Variants in FAR2 observed in about 807,000 individuals in gnomAD.
The protein encoded by FAR2 is epididymis secretory protein Li 81.
Under a neutral mutation model 56.0 loss-of-function variants are expected in FAR2, and 19 were observed. That is an observed-to-expected ratio of 0.34 (90% CI 0.24 to 0.50). The LOEUF (loss-of-function observed/expected upper bound fraction) is 0.50, where lower values mean the gene tolerates loss of function less well. FAR2 is among the 20% of genes least tolerant of loss of function. FAR2 has a pLI of 0.98. For synonymous variants in FAR2, 219 were observed against 218.8 expected, an observed-to-expected ratio of 1.00 and a Z score of -0.01; for missense variants, 508 against 642.2, an observed-to-expected ratio of 0.79 and a Z score of 2.26.
At chr12:29,308,705 C>CATATATATATATAT (rs1489134888) in intron 5 of FAR2, among the ~76,000 whole-genome samples, 83 of 132,574 alleles carry the variant, frequency 6.3e-4, no homozygotes, top group African/African-American at 2.7e-3. Flanking sequence ...CACACACACA[C>CATATATATATATAT]ACACACACAC....
Position 29,270,416 on chromosome 12 carries a change from C to T in FAR2, c.-34C>T, listed in dbSNP as rs746517713. The T allele has an allele frequency of 2.7e-6, 4 of 1,481,066 alleles. No individual in the cohort carries two copies. In the East Asian group the frequency reaches 7.1e-5, roughly 26 times the overall value. The allele number at this position is 1,481,066 out of a possible 1,614,324, so 91.7% of individuals were successfully genotyped here. On this transcript the variant is annotated 5_prime_UTR_variant, in exon 2 of 12. Transcript: ENST00000536681. ...GTTATTTCTCTTCCTTTTCAGGAAC[C>T]TCTTTCAGGAGCTATAAAAGAAAGG...
At chr12:29,263,189 A>C in intron 1 of FAR2, among the ~76,000 whole-genome samples, 1 of 152,208 alleles carries the variant, frequency 6.6e-6, no homozygotes, top group East Asian at 1.9e-4. Context: ...ATAGCCCTCA[A>C]TACAATAATA....
intron 1 of FAR2, among the ~76,000 whole-genome samples, chr12:29,161,417 C>T (rs1363135976): frequency 1.3e-5 from 2 of 152,044 alleles, no homozygotes; most frequent in Non-Finnish European, 2.9e-5. Context: ...CTTTTTTTTA[C>T]ATCTGGCTTA....
intron 1 of FAR2, among the ~76,000 whole-genome samples, chr12:29,159,513 C>T (rs1362280213): frequency 5.1e-5 from 5 of 97,426 alleles, no homozygotes; most frequent in Non-Finnish European, 1.0e-4. Context: ...GTGTGAGACT[C>T]TGTCTCGGAA....
chr12:29,259,253 G>A (rs1014895612), intron 1 of FAR2, among the ~76,000 whole-genome samples: 24 of 152,078 alleles, frequency 1.6e-4, no homozygotes, highest in Admixed American at 9.8e-4. Flanking sequence ...GTAATTTTTC[G>A]CATCTAATGA....
At chr12:29,164,299 C>T (rs1305705415) in intron 1 of FAR2, among the ~76,000 whole-genome samples, 1 of 152,178 alleles carries the variant, frequency 6.6e-6, no homozygotes, top group African/African-American at 2.4e-5. Context: ...AGGAATACAG[C>T]TGGGTTTACT....
At chr12:29,207,188 G>A (rs1947486161) in intron 1 of FAR2, among the ~76,000 whole-genome samples, 2 of 152,104 alleles carry the variant, frequency 1.3e-5, no homozygotes, top group African/African-American at 4.8e-5. Context: ...TAGCCACAAC[G>A]CCTGACTTTT....
rs1181674113 is a variant in FAR2, at chr12:29,316,722, C to A, written c.956-119C>A. 3 of 1,004,242 alleles carry A rather than the reference C, an allele frequency of 3.0e-6. No individual in the cohort carries two copies. The East Asian group carries it at 7.3e-5, about 24-fold the overall frequency. 62.2% of individuals were successfully genotyped at this position (1,004,242 alleles called of 1,614,324 possible). A position where few individuals can be genotyped will look rare whatever the true frequency, so the allele number is the denominator to read the frequency against. On this transcript the variant is annotated intron_variant, in intron 8 of 11. Coordinates refer to ENST00000536681, the MANE Select transcript of FAR2 (RefSeq NM_001271783.2). The stretch of plus-strand genomic sequence containing the variant: ...TTTATATTGTTCTCAGAAATTGATT[C>A]TTGACTCTACACAGCAAATCCTTCG...
intron 1 of FAR2, among the ~76,000 whole-genome samples, chr12:29,269,331 C>T (rs1948574824): frequency 6.6e-6 from 1 of 152,198 alleles, no homozygotes; most frequent in African/African-American, 2.4e-5. Flanking sequence ...AAATATGGCT[C>T]TGTTCCTCCC....
intron 2 of FAR2, among the ~76,000 whole-genome samples, chr12:29,276,943 CAA>C (rs35637703): frequency 7.0e-6 from 1 of 142,654 alleles, no homozygotes; most frequent in African/African-American, 2.6e-5. Context: ...AACTCTGTCT[CAA>C]AAAAAAAAAT....
chr12:29,322,246 G>T (rs941210465), intron 10 of FAR2, among the ~76,000 whole-genome samples: 2 of 152,124 alleles, frequency 1.3e-5, no homozygotes, highest in African/African-American at 4.8e-5. Context: ...CCTCTGGGTG[G>T]CTGTGTTCTT....
chr12:29,174,682 AGTGCT>A (rs766964144), intron 1 of FAR2, among the ~76,000 whole-genome samples: 2 of 152,106 alleles, frequency 1.3e-5, no homozygotes, highest in Non-Finnish European at 2.9e-5. Context: ...GGCCTCTCAA[AGTGCT>A]GGGATTACAG....
chr12:29,317,918 T>TTACTGC (rs1399695035), intron 9 of FAR2: 1 of 152,644 alleles, frequency 6.6e-6, no homozygotes, highest in African/African-American at 2.4e-5. Flanking sequence ...GGAACCAGAT[T>TTACTGC]TACTGCCACC....
At chr12:29,170,635 G>A (rs972748433) in intron 1 of FAR2, among the ~76,000 whole-genome samples, 8 of 150,078 alleles carry the variant, frequency 5.3e-5, no homozygotes, top group Non-Finnish European at 8.9e-5. Context: ...TTGACTTTCT[G>A]TCTCTCTCTT....
At position 29,221,053 on chromosome 12, in the gene FAR2, T is replaced by C. The variant is rs77678595; in HGVS notation, c.-38-49359T>C. On this transcript the variant is annotated intron_variant, in intron 1 of 11. Transcript: ENST00000536681. Reference sequence around the variant, plus strand: ...TTACTGGAGTTGTGCGCATGCTCACTTGAGGCATGAAGTGAGCGTGCGTAC... The same window carrying C: ...TTACTGGAGTTGTGCGCATGCTCACCTGAGGCATGAAGTGAGCGTGCGTAC... Among the ~76,000 whole-genome samples the C allele has an allele frequency of 2.0e-5, 3 of 152,152 alleles. No individual in the cohort carries two copies. The East Asian group carries it at 5.8e-4, about 29-fold the overall frequency.
intron 1 of FAR2, among the ~76,000 whole-genome samples, chr12:29,225,420 A>G (rs1947750753): frequency 6.6e-6 from 1 of 152,190 alleles, no homozygotes; most frequent in Non-Finnish European, 1.5e-5. Context: ...GGCCTGGCAC[A>G]AAAAGTGTTA....
At chr12:29,247,328 T>C (rs1034968148) in intron 1 of FAR2, among the ~76,000 whole-genome samples, 1 of 152,198 alleles carries the variant, frequency 6.6e-6, no homozygotes, top group African/African-American at 2.4e-5. Context: ...AGTTAATAAA[T>C]ACTGTGTCTA....
chr12:29,320,151 G>A (rs1238564109), intron 9 of FAR2, among the ~76,000 whole-genome samples: 1 of 152,150 alleles, frequency 6.6e-6, no homozygotes, highest in Non-Finnish European at 1.5e-5. Context: ...AGGCTGCAGT[G>A]AGTCATGATT....
At chr12:29,160,539 A>C (rs1949773294) in intron 1 of FAR2, among the ~76,000 whole-genome samples, 1 of 152,246 alleles carries the variant, frequency 6.6e-6, no homozygotes, top group South Asian at 2.1e-4. Context: ...CAAGTTACTT[A>C]ACCTTTCAGT....
Sources: gnomAD v4.1 joint callset for allele counts (sites outside exome capture counted in the v4.1 genomes callset) on GRCh38, gnomAD v4.1.1 for gene constraint, MANE v1.5 for transcripts, NCBI Gene and HGNC (gene_info 2026-07-23, HGNC 2026-07-21) for gene names.